The following PRDM7 variants were observed in gnomAD, a reference collection of about 807,000 sequenced individuals.
PRDM7 encodes PR/SET domain 7.
Under a neutral mutation model 64.3 loss-of-function variants are expected in PRDM7, and 52 were observed. The ratio of observed to expected loss-of-function variants is 0.81; its 90% confidence interval spans 0.65 to 1.02. The LOEUF (loss-of-function observed/expected upper bound fraction) is 1.02. Ranked by LOEUF, PRDM7 falls within the 50% of genes least tolerant of loss-of-function variation. PRDM7 has a pLI of 0.00. For missense variants in PRDM7, 574 were observed against 597.1 expected (o/e 0.96, Z 0.40); for synonymous variants, 192 against 210.1 (o/e 0.91, Z 0.74).
chr16:90,063,925 G>A (rs1402757561), intron 5 of PRDM7, among the ~76,000 whole-genome samples, 157 bp from the exon 6 acceptor site: 4 of 152,250 alleles, frequency 2.6e-5, no homozygotes, highest in African/African-American at 2.4e-5. Flanking sequence ...TAAGTGGGTA[G>A]TGAATCTGGG....
intron 4 of PRDM7, 27 bp downstream of exon 4, chr16:90,074,889 A>AT: frequency 6.2e-7 from 1 of 1,610,808 alleles, no homozygotes; most frequent in Non-Finnish European, 8.5e-7. Flanking sequence ...TTAAAAAAAA[A>AT]AAAATCCTCC....
At chr16:90,061,057 C>T (rs1459076635) in intron 9 of PRDM7, among the ~76,000 whole-genome samples, 1 of 152,194 alleles carries the variant, frequency 6.6e-6, no homozygotes, top group African/African-American at 2.4e-5. Flanking sequence ...TTTTTCTATT[C>T]TCTGATAGAA....
At position 90,060,488 on chromosome 16, in the gene PRDM7, G is replaced by A. The variant is rs763548406; in HGVS notation, c.1086C>T (p.Gly362=). Residue 362 remains glycine, a synonymous_variant, in exon 10 of 11, where the codon GGC becomes GGT. Coordinates refer to ENST00000449207, the MANE Select transcript of PRDM7 (RefSeq NM_001098173.2). ...TAGAAGATCTGATGCCCAGTTCCTG[G>A]CCATACTCATCCCCAGACCAGACCA... The part of the protein sequence containing the change: ...ELLVWSGDEY[G]QELGIRSSIE... 2 of 1,613,526 alleles carry A rather than the reference G, an allele frequency of 1.2e-6. No individual in the cohort carries two copies. The highest frequency in any genetic ancestry group is 1.7e-6 in the Non-Finnish European group (2 of 1,179,810).
intron 4 of PRDM7, among the ~76,000 whole-genome samples, chr16:90,073,364 A>T (rs12709101): frequency 0.5 from 76,119 of 151,860 alleles, 22,206 homozygotes; most frequent in Middle Eastern, 0.77. Context: ...ATTGTTTAGC[A>T]AAAACAATGT....
At position 90,057,854 on chromosome 16, in the gene PRDM7, C is replaced by T; in HGVS notation, c.*435G>A. 6.6e-7 allele frequency: 1 copy of T among 1,516,604 alleles called. No individual in the cohort carries two copies. 93.9% of individuals were successfully genotyped at this position (1,516,604 alleles called of 1,614,324 possible). ...ACTAATGACTTACTCATCCTTCCTG[C>T]AGACTGGGGCGTCTCCCCTGTGTGT... is the stretch of plus-strand genomic sequence containing the variant. On this transcript the variant is annotated 3_prime_UTR_variant, in exon 11 of 11. Coordinates refer to ENST00000449207, the MANE Select transcript of PRDM7 (RefSeq NM_001098173.2).
At chr16:90,068,470 C>G (rs2037910437) in intron 4 of PRDM7, among the ~76,000 whole-genome samples, 1 of 148,994 alleles carries the variant, frequency 6.7e-6, no homozygotes, top group African/African-American at 2.5e-5. Context: ...CCCATCTCTA[C>G]TAAAAATACA....
At chr16:90,074,654 A>C (rs1420783124) in intron 4 of PRDM7, among the ~76,000 whole-genome samples, 2 of 151,994 alleles carry the variant, frequency 1.3e-5, no homozygotes, top group Non-Finnish European at 2.9e-5. Context: ...TGGGTAGATC[A>C]CCTGAGGTCA....
chr16:90,071,597 C>A (rs112121173), intron 4 of PRDM7, among the ~76,000 whole-genome samples: 4,610 of 87,656 alleles, frequency 0.053, 171 homozygotes, highest in African/African-American at 0.11. Context: ...AAGGGCCCAA[C>A]TCATCCTTTT....
Position 90,075,390 on chromosome 16 carries a change from T to C in PRDM7, c.154A>G (p.Arg52Gly). 1 of 1,614,252 alleles carries C rather than the reference T, an allele frequency of 6.2e-7. No homozygotes were observed. Among genetic ancestry groups the C allele is most frequent in the Non-Finnish European group, 8.5e-7 (1 of 1,180,048 alleles). Residue 52 changes from arginine (R) to glycine (G), a missense_variant, in exon 3 of 11, where the codon AGG becomes GGG. Arg to Gly is a moderately radical substitution (Grantham distance 125, BLOSUM62 -2). Transcript: ENST00000449207. The surrounding 1 kb of genome is among the most constrained non-coding windows in gnomAD (Gnocchi z 4.3). ...EMGDWEKTRY[R>G]NVKMNYNALI... is the part of the protein sequence containing the mutation. ...GCATTATAGTTCATTTTCACATTCC[T>C]ATAGCGAGTTTTCTCCCAGTCTCCC... is the stretch of plus-strand genomic sequence containing the variant.
Position 90,075,502 on chromosome 16 carries a change from G to A in PRDM7, c.70-28C>T. On this transcript the variant is annotated intron_variant, in intron 2 of 10. Coordinates refer to ENST00000449207, the MANE Select transcript of PRDM7 (RefSeq NM_001098173.2). The surrounding 1 kb of genome is among the most constrained non-coding windows in gnomAD (Gnocchi z 4.3). ...AGAGGAAGTAACAGATTCCATCAGTGATTTACTAATACACATCGAGCTGGT... is the reference window on the plus strand; with the variant it reads ...AGAGGAAGTAACAGATTCCATCAGTAATTTACTAATACACATCGAGCTGGT... 6.2e-7 allele frequency: 1 copy of A among 1,614,150 alleles called. No homozygotes were observed. The highest frequency in any genetic ancestry group is 8.5e-7 in the Non-Finnish European group (1 of 1,180,016).
chr16:90,073,828 G>T (rs1355721081), intron 4 of PRDM7, among the ~76,000 whole-genome samples: 1 of 151,432 alleles, frequency 6.6e-6, no homozygotes. Flanking sequence ...TGTTGCCCAG[G>T]CTGGAGGGTG....
rs1276918001 is a variant in PRDM7 at position 90,075,984 on chromosome 16, G to C, written c.-74C>G. 6.0e-6 allele frequency: 9 copies of C among 1,511,572 alleles called. No homozygotes were observed. The African/African-American group carries it at 6.9e-5, about 12-fold the overall frequency. The allele number at this position is 1,511,572 out of a possible 1,614,324, so 93.6% of individuals were successfully genotyped here. A position where few individuals can be genotyped will look rare whatever the true frequency, so the allele number is the denominator to read the frequency against. Reference sequence around the variant, plus strand: ...GGGCCCCTGAGTCTCCCAGCTCCTAGGCCAAAGGCTCCTGTGGAAGGAGAA... The same window carrying C: ...GGGCCCCTGAGTCTCCCAGCTCCTACGCCAAAGGCTCCTGTGGAAGGAGAA... On this transcript the variant is annotated 5_prime_UTR_variant, in exon 2 of 11. Transcript: ENST00000449207. The surrounding 1 kb of genome is among the most constrained non-coding windows in gnomAD (Gnocchi z 4.3).
At position 90,060,384 on chromosome 16, in the gene PRDM7, GA is replaced by G; in HGVS notation, c.1189del (p.Ser397GlnfsTer76). ...MGMSMARNWA[S>X]SGAASGRKSS... ...CTTTCTTCCACTTGCTGCCCCACTT[GA>G]TGCCCAGTTCCTGGCCATACTCATC... is the stretch of plus-strand genomic sequence containing the variant. On this transcript the variant is annotated frameshift_variant, in exon 10 of 11. Coordinates refer to ENST00000449207, the MANE Select transcript of PRDM7 (RefSeq NM_001098173.2). LOFTEE classifies it high-confidence loss of function. 4 of 1,613,816 alleles carry G rather than the reference GA, an allele frequency of 2.5e-6. No homozygotes were observed. In the Admixed American group the frequency reaches 6.7e-5, roughly 27 times the overall value.
At chr16:90,076,831 T>C (rs1293995492) in intron 1 of PRDM7, among the ~76,000 whole-genome samples, 1 of 151,972 alleles carries the variant, frequency 6.6e-6, no homozygotes, top group Non-Finnish European at 1.5e-5. Context: ...TTTTAGGGTG[T>C]TTGACACTGA....
In PRDM7 at chr16:90,075,304, C is replaced by G. The variant is rs138870866; in HGVS notation, c.193+47G>C. Reference sequence around the variant, plus strand: ...TTAAAATAATATAGGGACCAAAGACCTGTTTTATATCGCCCAGGCTGGTCT... The same window carrying G: ...TTAAAATAATATAGGGACCAAAGACGTGTTTTATATCGCCCAGGCTGGTCT... On this transcript the variant is annotated intron_variant, in intron 3 of 10. Transcript: ENST00000449207. This position sits in a 1 kb window ranked among gnomAD's most constrained non-coding sequence, Gnocchi z 4.3. 1.2e-6 allele frequency: 2 copies of G among 1,613,886 alleles called. No individual in the cohort carries two copies. The highest frequency in any genetic ancestry group is 1.1e-5 in the South Asian group (1 of 91,026).
chr16:90,070,508 C>T (rs1320109299), intron 4 of PRDM7, among the ~76,000 whole-genome samples: 9 of 151,014 alleles, frequency 6.0e-5, no homozygotes, highest in Admixed American at 1.3e-4. Flanking sequence ...TGCTTGAACC[C>T]GGGAGGTGGA....
At chr16:90,066,497 T>G (rs2037875099) in intron 5 of PRDM7, among the ~76,000 whole-genome samples, 1 of 151,238 alleles carries the variant, frequency 6.6e-6, no homozygotes, top group Non-Finnish European at 1.5e-5. Context: ...GCACCAACAC[T>G]GAATGTGATC....
intron 4 of PRDM7, among the ~76,000 whole-genome samples, chr16:90,068,352 T>G (rs1474964312): frequency 6.6e-6 from 1 of 151,112 alleles, no homozygotes; most frequent in Non-Finnish European, 1.5e-5. Flanking sequence ...TACACGAATT[T>G]GGGCTGGGCA....
chr16:90,076,473 C>T (rs991617620), intron 1 of PRDM7, among the ~76,000 whole-genome samples: 1 of 152,138 alleles, frequency 6.6e-6, no homozygotes, highest in Non-Finnish European at 1.5e-5. Context: ...AAGCAGTCTG[C>T]ATCTCTAAGG....
Sources: allele counts gnomAD v4.1 joint callset (sites outside exome capture counted in the v4.1 genomes callset), GRCh38; gene constraint gnomAD v4.1.1; non-coding constraint Gnocchi (gnomAD v3.1); transcripts MANE v1.5; gene names NCBI Gene and HGNC (gene_info 2026-07-23, HGNC 2026-07-21).